FBXO11: variants seen among roughly 807,000 people sequenced by gnomAD.
FBXO11 encodes the protein F-box only protein 11.
In FBXO11, 13 loss-of-function variants were observed where a neutral mutation model predicts 117.0. The ratio of observed to expected loss-of-function variants is 0.11; its 90% confidence interval spans 0.07 to 0.18. The LOEUF is 0.18. Ranked by LOEUF, FBXO11 falls within the 10% of genes least tolerant of loss-of-function variation. The pLI is 1.00. For missense variants in FBXO11, 767 were observed against 1,164.4 expected (o/e 0.66, Z 4.97); for synonymous variants, 490 against 380.5 (o/e 1.29, Z -3.35).
chr2:47,890,669 G>A (rs1250383172), intron 1 of FBXO11, among the ~76,000 whole-genome samples: 1 of 152,038 alleles, frequency 6.6e-6, no homozygotes, highest in Non-Finnish European at 1.5e-5. Flanking sequence ...GCTGGACATG[G>A]TGGCAAGCGC....
At chr2:47,822,740 G>A (rs1320988568) in intron 12 of FBXO11, among the ~76,000 whole-genome samples, 1 of 152,130 alleles carries the variant, frequency 6.6e-6, no homozygotes, top group African/African-American at 2.4e-5. Flanking sequence ...GATAATTTTA[G>A]TCTTTCTGGC....
chr2:47,824,789 T>C (rs190813288), intron 11 of FBXO11, among the ~76,000 whole-genome samples: 55 of 152,336 alleles, frequency 3.6e-4, no homozygotes, highest in Non-Finnish European at 6.6e-4. Context: ...TCCTATATAA[T>C]GGACATGTTT....
In FBXO11 at chr2:47,901,162, CAT is replaced by C. The variant is rs1357826793; in HGVS notation, c.232+4325_232+4326del. Among the ~76,000 whole-genome samples, 103 of 108,264 alleles carry C rather than the reference CAT, an allele frequency of 9.5e-4. 4 individuals carry two copies. Among genetic ancestry groups the C allele is most frequent in the Middle Eastern group, 0.01 (2 of 200 alleles). The allele number at this position is 108,264 out of a possible 152,430, so 71.0% of individuals were successfully genotyped here. On this transcript the variant is annotated intron_variant, in intron 1 of 22. Transcript: ENST00000403359. ...ATATACACACGTGTGTACATATATA[CAT>C]ATATATGTATATATATGTGGGTACA...
rs1670470467 is a variant in FBXO11 at position 47,809,581 on chromosome 2, A to T, written c.2446+19T>A. On this transcript the variant is annotated intron_variant, in intron 20 of 22. Transcript: ENST00000403359. Reference sequence around the variant, plus strand: ...TGGCATATTGCATATATTTATAGGTATAGCAGACTCCAACATACCTTTCAT... The same window carrying T: ...TGGCATATTGCATATATTTATAGGTTTAGCAGACTCCAACATACCTTTCAT... 1 of 1,539,426 alleles carries T rather than the reference A, an allele frequency of 6.5e-7. No individual in the cohort carries two copies.
intron 1 of FBXO11, among the ~76,000 whole-genome samples, chr2:47,895,492 A>G (rs1677587881): frequency 2.0e-5 from 3 of 152,178 alleles, no homozygotes. Flanking sequence ...GGTTGGGAAC[A>G]GTGACTAGGA....
intron 1 of FBXO11, among the ~76,000 whole-genome samples, chr2:47,867,187 T>A (rs2103797834): frequency 6.6e-6 from 1 of 152,324 alleles, no homozygotes; most frequent in South Asian, 2.1e-4. Flanking sequence ...TAAGCTGCAG[T>A]AACAAATCCC....
intron 1 of FBXO11, among the ~76,000 whole-genome samples, chr2:47,880,212 G>A (rs1302156014): frequency 6.6e-6 from 1 of 152,072 alleles, no homozygotes; most frequent in Non-Finnish European, 1.5e-5. Context: ...TGCCAGGCTG[G>A]TCTCAAACTC....
At chr2:47,813,414 ATTTCTT>A in intron 17 of FBXO11, 37 bp from the exon 18 acceptor site, 1 of 651,060 alleles carries the variant, frequency 1.5e-6, no homozygotes. Context: ...TAGAAGGTAT[ATTTCTT>A]TTTAATTTTT....
intron 20 of FBXO11, 106 bp downstream of exon 20, chr2:47,809,494 G>C: frequency 1.2e-6 from 1 of 836,744 alleles, no homozygotes; most frequent in Non-Finnish European, 1.9e-6. Context: ...ATCTTAAACT[G>C]TTGCTAACTT....
intron 11 of FBXO11, among the ~76,000 whole-genome samples, chr2:47,823,825 A>G (rs1276477891): frequency 6.6e-6 from 1 of 152,106 alleles, no homozygotes; most frequent in African/African-American, 2.4e-5. Context: ...ATGATCATGG[A>G]AAGAAAAAGA....
chr2:47,815,502 T>G (rs1464296069), intron 16 of FBXO11, among the ~76,000 whole-genome samples: 1 of 152,198 alleles, frequency 6.6e-6, no homozygotes, highest in African/African-American at 2.4e-5. Flanking sequence ...AGACCTGGCT[T>G]CTGAGGCCTT....
At chr2:47,837,283 T>C (rs943014184) in intron 4 of FBXO11, among the ~76,000 whole-genome samples, 2 of 152,194 alleles carry the variant, frequency 1.3e-5, no homozygotes, top group Admixed American at 6.5e-5. Flanking sequence ...TCCCAGCACT[T>C]TGGGAGGCCC....
chr2:47,898,262 AG>A (rs1677826543), intron 1 of FBXO11, among the ~76,000 whole-genome samples: 1 of 152,244 alleles, frequency 6.6e-6, no homozygotes, highest in Non-Finnish European at 1.5e-5. Context: ...AATCATGTAA[AG>A]GAAGTTAGTT....
chr2:47,882,470 T>A (rs1467986439), intron 1 of FBXO11, among the ~76,000 whole-genome samples: 1 of 152,216 alleles, frequency 6.6e-6, no homozygotes, highest in East Asian at 1.9e-4. Context: ...AACCACTTGT[T>A]CTACTGTCAT....
At chr2:47,874,041 C>T (rs991362558) in intron 1 of FBXO11, among the ~76,000 whole-genome samples, 5 of 151,912 alleles carry the variant, frequency 3.3e-5, no homozygotes, top group East Asian at 1.9e-4. Context: ...AGTGAAACCC[C>T]GTCTCTACTA....
chr2:47,876,503 G>A (rs1189906428), intron 1 of FBXO11, among the ~76,000 whole-genome samples: 1 of 152,148 alleles, frequency 6.6e-6, no homozygotes, highest in Non-Finnish European at 1.5e-5. Context: ...CTTGCTGACA[G>A]ATAATAGTTT....
chr2:47,876,317 C>T (rs550597652), intron 1 of FBXO11, among the ~76,000 whole-genome samples: 1 of 152,174 alleles, frequency 6.6e-6, no homozygotes, highest in Non-Finnish European at 1.5e-5. Context: ...GCAATCAACT[C>T]AACTTGATTT....
chr2:47,855,197 C>G (rs1010355348), intron 1 of FBXO11, among the ~76,000 whole-genome samples: 1 of 151,394 alleles, frequency 6.6e-6, no homozygotes, highest in African/African-American at 2.4e-5. Context: ...ACTAGGTAGA[C>G]TCATTTTTTT....
chr2:47,871,399 C>T (rs1312930278), intron 1 of FBXO11, among the ~76,000 whole-genome samples: 1 of 152,120 alleles, frequency 6.6e-6, no homozygotes, highest in African/African-American at 2.4e-5. Context: ...TGACTATAGC[C>T]CTGGCCGACA....
Sources: allele counts gnomAD v4.1 joint callset (sites outside exome capture counted in the v4.1 genomes callset), GRCh38; gene constraint gnomAD v4.1.1; transcripts MANE v1.5; gene names NCBI Gene and HGNC (gene_info 2026-07-23, HGNC 2026-07-21).